The following GALNT17 variants were observed in gnomAD, a reference collection of about 807,000 sequenced individuals.
GALNT17 encodes the protein polypeptide N-acetylgalactosaminyltransferase 17, also known as UDP-GalNAc:polypeptide N-acetylgalactosaminyltransferase-like 3.
GALNT17 carries 29 observed loss-of-function variants against 63.7 expected under a neutral mutation model. The ratio of observed to expected loss-of-function variants is 0.46; its 90% CI spans 0.34 to 0.62. The LOEUF (loss-of-function observed/expected upper bound fraction) is 0.62. Among genes scored for constraint, GALNT17 ranks in the 20% least tolerant of loss-of-function variants. GALNT17 has a pLI of 0.01. For missense variants in GALNT17, 603 were observed against 799.6 expected (o/e 0.75, Z 2.97); for synonymous variants, 305 against 318.3 (o/e 0.96, Z 0.45).
intron 1 of GALNT17, among the ~76,000 whole-genome samples, chr7:71,245,408 C>T (rs1790075761): frequency 6.6e-6 from 1 of 152,154 alleles, no homozygotes; most frequent in African/African-American, 2.4e-5. Context: ...AAGAAGGGCA[C>T]AGGTATGGAG....
intron 6 of GALNT17, among the ~76,000 whole-genome samples, chr7:71,627,400 C>G (rs1364233175): frequency 6.6e-6 from 1 of 152,180 alleles, no homozygotes; most frequent in African/African-American, 2.4e-5. Flanking sequence ...GCCTGGGCAA[C>G]AGAGACAGAC....
At chr7:71,336,447 A>G (rs1440091251) in intron 2 of GALNT17, among the ~76,000 whole-genome samples, 1 of 152,092 alleles carries the variant, frequency 6.6e-6, no homozygotes, top group Non-Finnish European at 1.5e-5. Context: ...AGATCATTTC[A>G]TCTCCCAGAT....
rs142745667 is a variant in GALNT17 at position 71,474,987 on chromosome 7, A to T, written c.962+53882A>T. Among the ~76,000 whole-genome samples, 145 of 151,986 alleles carry T rather than the reference A, an allele frequency of 9.5e-4. No individual in the cohort carries two copies. In the East Asian group the frequency reaches 0.021, roughly 22 times the overall value. On this transcript the variant is annotated intron_variant, in intron 5 of 10. Transcript: ENST00000333538. The stretch of plus-strand genomic sequence containing the variant: ...GAAGGGATGCAGCCGCAAGCCAAGG[A>T]ATGCCGGCAGCCACCAGATGCTGGA...
rs1187953416 is a variant in GALNT17 at position 71,338,369 on chromosome 7, A to T, written c.422+2636A>T. The stretch of plus-strand genomic sequence containing the variant: ...ATAAAAAATAAATAAATATATATAT[A>T]TATAAATTAGCCAGGTGTGGTGGTG... On this transcript the variant is annotated intron_variant, in intron 2 of 10. Transcript: ENST00000333538. Among the ~76,000 whole-genome samples, 3 of 150,764 alleles carry T rather than the reference A, an allele frequency of 2.0e-5. 1 individual carries two copies. Among genetic ancestry groups the T allele is most frequent in the African/African-American group, 7.3e-5 (3 of 41,208 alleles).
At position 71,247,945 on chromosome 7, in the gene GALNT17, A is replaced by AT. The variant is rs145546670; in HGVS notation, c.239-87604dup. On this transcript the variant is annotated intron_variant, in intron 1 of 10. Coordinates refer to ENST00000333538, the MANE Select transcript of GALNT17 (RefSeq NM_022479.3). ...GTTCGTTAAGTGGAAGTGGATTGTC[A>AT]TAAAGTTTTCATCTTCATCGCCTTC... Among the ~76,000 whole-genome samples, 1,083 of 152,352 alleles carry AT rather than the reference A, an allele frequency of 7.1e-3. 14 individuals are homozygous for AT. The highest frequency in any genetic ancestry group is 0.025 in the African/African-American group (1,025 of 41,588).
chr7:71,507,166 C>T (rs919191912), intron 5 of GALNT17, among the ~76,000 whole-genome samples: 2 of 152,062 alleles, frequency 1.3e-5, no homozygotes, highest in East Asian at 1.9e-4. Flanking sequence ...CCCAGGAGGT[C>T]GAGGCTGCAG....
intron 3 of GALNT17, among the ~76,000 whole-genome samples, chr7:71,404,011 C>T (rs1793284828): frequency 6.6e-6 from 1 of 152,160 alleles, no homozygotes; most frequent in Non-Finnish European, 1.5e-5. Context: ...GAATCAGCTG[C>T]AAATGCCAGA....
At chr7:71,509,126 G>A (rs1370678224) in intron 5 of GALNT17, among the ~76,000 whole-genome samples, 5 of 152,178 alleles carry the variant, frequency 3.3e-5, no homozygotes, top group South Asian at 2.1e-4. Context: ...TCCGTACTTC[G>A]AGTACCCATC....
At chr7:71,184,625 C>T (rs527671315) in intron 1 of GALNT17, among the ~76,000 whole-genome samples, 2 of 152,190 alleles carry the variant, frequency 1.3e-5, no homozygotes, top group East Asian at 3.9e-4. Context: ...ACTTCCCTTC[C>T]TCTCTCCCAA....
chr7:71,307,251 A>G (rs1791321678), intron 1 of GALNT17, among the ~76,000 whole-genome samples: 1 of 152,130 alleles, frequency 6.6e-6, no homozygotes, highest in Non-Finnish European at 1.5e-5. Context: ...TTGCATTCCC[A>G]TCAGCCGTGC....
At chr7:71,363,592 C>T (rs1201199707) in intron 2 of GALNT17, among the ~76,000 whole-genome samples, 3 of 152,204 alleles carry the variant, frequency 2.0e-5, no homozygotes, top group Non-Finnish European at 2.9e-5. Context: ...CTTCATTCTC[C>T]GACTTCAAAA....
intron 1 of GALNT17, among the ~76,000 whole-genome samples, chr7:71,309,908 C>G (rs1583850753): frequency 1.3e-5 from 2 of 152,210 alleles, no homozygotes; most frequent in East Asian, 3.9e-4. Flanking sequence ...TCTTGAATTC[C>G]CACGTGTTGT....
In GALNT17 at chr7:71,427,226, C is replaced by T. The variant is rs796292565; in HGVS notation, c.962+6121C>T. Among the ~76,000 whole-genome samples, 31 of 151,230 alleles carry T rather than the reference C, an allele frequency of 2.0e-4. 1 individual carries two copies. The highest frequency in any genetic ancestry group is 6.8e-4 in the African/African-American group (28 of 41,340). On this transcript the variant is annotated intron_variant, in intron 5 of 10. Transcript: ENST00000333538. ...TACCAAGTAGCTGGGACTACAGGTGCGTGCCTCCACACCTGGCTTTTATTT... is the reference window on the plus strand; with the variant it reads ...TACCAAGTAGCTGGGACTACAGGTGTGTGCCTCCACACCTGGCTTTTATTT...
intron 9 of GALNT17, among the ~76,000 whole-genome samples, chr7:71,681,080 T>C (rs2117076461): frequency 6.6e-6 from 1 of 152,214 alleles, no homozygotes; most frequent in South Asian, 2.1e-4. Context: ...TTCCATTTTT[T>C]TGTAGACATA....
chr7:71,180,137 T>A (rs1181771663), intron 1 of GALNT17, among the ~76,000 whole-genome samples: 1 of 152,194 alleles, frequency 6.6e-6, no homozygotes, highest in Non-Finnish European at 1.5e-5. Flanking sequence ...TTTCTTACTT[T>A]TTTTTTGAGA....
At chr7:71,422,274 C>T (rs919834987) in intron 5 of GALNT17, among the ~76,000 whole-genome samples, 3 of 152,138 alleles carry the variant, frequency 2.0e-5, no homozygotes, top group Non-Finnish European at 4.4e-5. Context: ...TTCTCTCTGG[C>T]ACCCTTCATC....
intron 9 of GALNT17, among the ~76,000 whole-genome samples, chr7:71,705,928 A>G (rs548418731): frequency 7.3e-4 from 111 of 152,294 alleles, no homozygotes; most frequent in African/African-American, 2.6e-3. Context: ...TCAAGGAAGG[A>G]GCATGAGGGA....
At chr7:71,266,929 G>T (rs1451721237) in intron 1 of GALNT17, among the ~76,000 whole-genome samples, 1 of 152,202 alleles carries the variant, frequency 6.6e-6, no homozygotes, top group African/African-American at 2.4e-5. Flanking sequence ...CATTGAGACT[G>T]ACTCTGAGGT....
At chr7:71,641,845 ATGCTGC>A (rs1186499973) in intron 6 of GALNT17, among the ~76,000 whole-genome samples, 10 of 152,320 alleles carry the variant, frequency 6.6e-5, no homozygotes, top group African/African-American at 2.4e-4. Context: ...GATGGTGAGG[ATGCTGC>A]TGCTGCTGCT....
Sources: allele counts gnomAD v4.1 joint callset (sites outside exome capture counted in the v4.1 genomes callset), GRCh38; gene constraint gnomAD v4.1.1; transcripts MANE v1.5; gene names NCBI Gene and HGNC (gene_info 2026-07-23, HGNC 2026-07-21).